The following ZNF626 variants were observed in gnomAD, a reference collection of about 807,000 sequenced individuals.
The protein encoded by ZNF626 is CTC-513N18.7.
ZNF626 carries 4 observed loss-of-function variants against 11.7 expected under a neutral mutation model. The observed-to-expected ratio is 0.34, with a 90% confidence interval of 0.17 to 0.78. ZNF626 has a LOEUF of 0.78. ZNF626 is among the 30% of genes least tolerant of loss of function. The pLI is 0.57. For missense variants in ZNF626, 588 were observed against 587.1 expected (o/e 1.00, Z -0.01); for synonymous variants, 179 against 198.6 (o/e 0.90, Z 0.83).
chr19:20,641,737 A>G (rs1970026628), intron 3 of ZNF626, among the ~76,000 whole-genome samples: 1 of 149,638 alleles, frequency 6.7e-6, no homozygotes, highest in Non-Finnish European at 1.5e-5. Context: ...TTTTTTTTTT[A>G]TAGAAAGGGG....
At chr19:20,656,183 A>G (rs1555773094) in intron 1 of ZNF626, among the ~76,000 whole-genome samples, 11 of 151,924 alleles carry the variant, frequency 7.2e-5, no homozygotes. Flanking sequence ...CAAGAGGAAT[A>G]TGGGAAGAAT....
intron 1 of ZNF626, among the ~76,000 whole-genome samples, chr19:20,652,370 A>G (rs2144791044): frequency 6.6e-6 from 1 of 152,248 alleles, no homozygotes; most frequent in African/African-American, 2.4e-5. Context: ...TACAGATTAT[A>G]TATAACCTGC....
chr19:20,631,128 G>C (rs1969899647), intron 3 of ZNF626, among the ~76,000 whole-genome samples: 1 of 152,100 alleles, frequency 6.6e-6, no homozygotes, highest in African/African-American at 2.4e-5. Context: ...ACTGCACTGT[G>C]GTCTGAGAGA....
intron 1 of ZNF626, among the ~76,000 whole-genome samples, chr19:20,650,406 T>A (rs2144789214): frequency 6.6e-6 from 1 of 152,262 alleles, no homozygotes; most frequent in South Asian, 2.1e-4. Flanking sequence ...GGAAAACAAG[T>A]CCCTAAATAG....
At position 20,638,898 on chromosome 19, in the gene ZNF626, T is replaced by G. The variant is rs970332675; in HGVS notation, c.226+6786A>C. 1.2e-4 allele frequency among the ~76,000 whole-genome samples: 18 copies of G among 152,176 alleles called. No homozygotes were observed. The East Asian group carries it at 1.4e-3, about 11-fold the overall frequency. On this transcript the variant is annotated intron_variant, in intron 3 of 3. Transcript: ENST00000601440. ...GAAAAAAAATAAGAAACAGGAAACT[T>G]AGAAAACATTATAGACTATGTTATT...
rs556197178 is a variant in ZNF626 at position 20,646,822 on chromosome 19, G to C, written c.4-417C>G. Among the ~76,000 whole-genome samples the C allele has an allele frequency of 2.0e-5, 3 of 152,090 alleles. No individual in the cohort carries two copies. In the South Asian group the frequency reaches 6.2e-4, roughly 32 times the overall value. On this transcript the variant is annotated intron_variant, in intron 1 of 3. Transcript: ENST00000601440. ...TATGCAGGTTTTTTTTCCCCCAGAA[G>C]ATCTGGAATAAAGTCTGATTTATTT...
intron 1 of ZNF626, among the ~76,000 whole-genome samples, chr19:20,654,564 CT>C (rs1352870355): frequency 7.9e-5 from 12 of 151,602 alleles, no homozygotes; most frequent in Admixed American, 6.6e-4. Flanking sequence ...AAAAAATTAG[CT>C]GGGCGTGGTG....
At chr19:20,652,381 G>A (rs1456539383) in intron 1 of ZNF626, among the ~76,000 whole-genome samples, 1 of 150,698 alleles carries the variant, frequency 6.6e-6, no homozygotes. Context: ...TATAACCTGC[G>A]AGCAAAGATT....
At chr19:20,652,746 A>G (rs1159349113) in intron 1 of ZNF626, among the ~76,000 whole-genome samples, 3 of 152,204 alleles carry the variant, frequency 2.0e-5, no homozygotes, top group Non-Finnish European at 4.4e-5. Flanking sequence ...TTAATTCCCA[A>G]ATCTCAAGAC....
At chr19:20,631,568 G>T (rs71302528) in intron 3 of ZNF626, among the ~76,000 whole-genome samples, 10,892 of 147,028 alleles carry the variant, frequency 0.074, 496 homozygotes, top group South Asian at 0.14. Context: ...TTTGATCTTT[G>T]TTGGTTTAAA....
chr19:20,624,731 T>C lies in ZNF626; in HGVS notation c.1146A>G (p.Ser382=), dbSNP rs560901735. 7 of 1,609,408 alleles carry C rather than the reference T, an allele frequency of 4.3e-6. No individual in the cohort carries two copies. In the East Asian group the frequency reaches 1.3e-4, roughly 31 times the overall value. The change falls in exon 4 of 4, where the codon TCA becomes TCG. Residue 382 remains serine, a synonymous_variant. Transcript: ENST00000601440. ...GAATTATCTTATGCGTAGTAAGGTC[T>C]GAAGACCGCTTGAAGGCTTTGCCAC... ...EECGKAFKRS[S]DLTTHKIIHT...
intron 1 of ZNF626, among the ~76,000 whole-genome samples, chr19:20,652,583 T>C (rs1970158898): frequency 6.6e-6 from 1 of 152,194 alleles, no homozygotes; most frequent in Admixed American, 6.5e-5. Flanking sequence ...TGTAGCATTA[T>C]TAGTTTAATT....
rs574416923 is a variant in ZNF626 at position 20,625,585 on chromosome 19, C to G, written c.292G>C (p.Val98Leu). 1.4e-5 allele frequency: 22 copies of G among 1,603,168 alleles called. No homozygotes were observed. Among genetic ancestry groups the G allele is most frequent in the African/African-American group, 2.7e-5 (2 of 74,464 alleles). ...CATTTTTCATATCTTCTCAGTACCA[C>G]TTTTTGGAAAGAATCTTTCATGCTC... The part of the protein sequence containing the change: ...EQSMKDSFQK[V>L]VLRRYEKCEH... Residue 98 changes from valine (V) to leucine (L), a missense_variant, in exon 4 of 4, where the codon GTG becomes CTG. Coordinates refer to ENST00000601440, the MANE Select transcript of ZNF626 (RefSeq NM_001076675.3).
rs190440004 is a variant in ZNF626 at position 20,623,132 on chromosome 19, T to C, written c.*1158A>G. The stretch of plus-strand genomic sequence containing the variant: ...GATTTTTTGACAGTAATTGCACTTT[T>C]AATGCTTTCATTAACTATGAACCTT... On this transcript the variant is annotated 3_prime_UTR_variant, in exon 4 of 4. Transcript: ENST00000601440. 26 of 152,416 alleles carry C rather than the reference T, an allele frequency of 1.7e-4. No homozygotes were observed. Among genetic ancestry groups the C allele is most frequent in the Admixed American group, 1.6e-3 (25 of 15,296 alleles). The allele number at this position is 152,416 out of a possible 1,614,324, so 9.4% of individuals were successfully genotyped here.
chr19:20,657,805 C>CA (rs1423997955), intron 1 of ZNF626, among the ~76,000 whole-genome samples: 7 of 151,210 alleles, frequency 4.6e-5, no homozygotes, highest in Non-Finnish European at 8.8e-5. Context: ...AAATCCATCT[C>CA]AAAAAAACAA....
At chr19:20,655,837 A>C (rs1260255236) in intron 1 of ZNF626, among the ~76,000 whole-genome samples, 1 of 152,038 alleles carries the variant, frequency 6.6e-6, no homozygotes, top group East Asian at 1.9e-4. Context: ...TGGGAGGCTG[A>C]GGCAGGAGAT....
chr19:20,633,134 G>A (rs1341669609), intron 3 of ZNF626, among the ~76,000 whole-genome samples: 4 of 152,258 alleles, frequency 2.6e-5, no homozygotes, highest in African/African-American at 7.2e-5. Context: ...CTGCCTGATC[G>A]TTCCTCTGGA....
In ZNF626 at chr19:20,649,818, GCT is replaced by G. The variant is rs538294015; in HGVS notation, c.4-3415_4-3414del. Among the ~76,000 whole-genome samples the G allele has an allele frequency of 3.2e-3, 342 of 105,520 alleles. 1 individual carries two copies. The highest frequency in any genetic ancestry group is 0.024 in the African/African-American group (322 of 13,574). The allele number at this position is 105,520 out of a possible 152,430, so 69.2% of individuals were successfully genotyped here. A position where few individuals can be genotyped will look rare whatever the true frequency, so the allele number is the denominator to read the frequency against. ...CAAGTTCCCTTTCAATGCTGATGTTGCTCCCCCCGCCCCTTGGCGCATTAGCA... is the reference window on the plus strand; with the variant it reads ...CAAGTTCCCTTTCAATGCTGATGTTGCCCCCCGCCCCTTGGCGCATTAGCA... On this transcript the variant is annotated intron_variant, in intron 1 of 3. Coordinates refer to ENST00000601440, the MANE Select transcript of ZNF626 (RefSeq NM_001076675.3).
At chr19:20,652,731 G>C (rs1368291216) in intron 1 of ZNF626, among the ~76,000 whole-genome samples, 7 of 152,148 alleles carry the variant, frequency 4.6e-5, no homozygotes, top group Non-Finnish European at 1.0e-4. Flanking sequence ...TCAGATAAAA[G>C]TTTTTTAATT....
Sources: gnomAD v4.1 joint callset for allele counts (sites outside exome capture counted in the v4.1 genomes callset) on GRCh38, gnomAD v4.1.1 for gene constraint, MANE v1.5 for transcripts, NCBI Gene and HGNC (gene_info 2026-07-23, HGNC 2026-07-21) for gene names.